ANKRD17: variants seen among roughly 807,000 people sequenced by gnomAD.
The protein encoded by ANKRD17 is ankyrin repeat domain 17.
A neutral mutation model predicts 229.7 loss-of-function variants in ANKRD17; 19 were observed. The observed-to-expected ratio is 0.08, with a 90% CI of 0.06 to 0.12. The LOEUF (loss-of-function observed/expected upper bound fraction) is 0.12. Ranked by LOEUF, ANKRD17 falls within the 10% of genes least tolerant of loss-of-function variation. The probability of loss-of-function intolerance (pLI) is 1.00; values close to 1 mark genes in which losing one functional copy is unlikely to be tolerated. For missense variants in ANKRD17, 2,176 were observed against 3,176.8 expected, an observed-to-expected ratio of 0.68 and a Z score of 7.57; for synonymous variants, 1,112 against 1,146.1, an observed-to-expected ratio of 0.97 and a Z score of 0.60.
At chr4:73,076,873 A>G in intron 33 of ANKRD17, 67 bp downstream of exon 33, 1 of 1,514,434 alleles carries the variant, frequency 6.6e-7, no homozygotes, top group South Asian at 1.3e-5. Context: ...GAGTTACCTG[A>G]ATCCTATTTG....
intron 24 of ANKRD17, among the ~76,000 whole-genome samples, chr4:73,111,506 A>C (rs922145071): frequency 6.6e-6 from 1 of 152,196 alleles, no homozygotes; most frequent in African/African-American, 2.4e-5. Flanking sequence ...TCCATTTAAT[A>C]TTTTCAGACC....
intron 16 of ANKRD17, among the ~76,000 whole-genome samples, chr4:73,126,661 C>A (rs1727509551): frequency 6.6e-6 from 1 of 152,150 alleles, no homozygotes; most frequent in African/African-American, 2.4e-5. Flanking sequence ...ATTAGATTTA[C>A]CAGTGTTCAT....
chr4:73,102,445 TTTC>T lies in ANKRD17; in HGVS notation c.4501_4503del (p.Glu1501del), dbSNP rs1350975428. 1 of 1,606,588 alleles carries T rather than the reference TTTC, an allele frequency of 6.2e-7. No individual in the cohort carries two copies. Among genetic ancestry groups the T allele is most frequent in the Admixed American group, 1.7e-5 (1 of 58,554 alleles). ...AAGTTCTCTTTATTTTTGGCTTCAA[TTTC>T]TTCTAGTTTCCTTCTTTGTTCTTCC... is the stretch of plus-strand genomic sequence containing the variant. On this transcript the variant is annotated inframe_deletion, in exon 25 of 34. Coordinates refer to ENST00000358602, the MANE Select transcript of ANKRD17 (RefSeq NM_032217.5).
intron 1 of ANKRD17, among the ~76,000 whole-genome samples, chr4:73,203,847 G>A (rs1264709298): frequency 6.6e-6 from 1 of 150,476 alleles, no homozygotes; most frequent in Non-Finnish European, 1.5e-5. Flanking sequence ...AATCCAATAC[G>A]TTCCACAGTC....
At position 73,091,330 on chromosome 4, in the gene ANKRD17, CAGA is replaced by C. The variant is rs750403172; in HGVS notation, c.6295_6297del (p.Ser2099del). 6 of 1,613,982 alleles carry C rather than the reference CAGA, an allele frequency of 3.7e-6. No individual in the cohort carries two copies. Among genetic ancestry groups the C allele is most frequent in the African/African-American group, 2.7e-5 (2 of 74,920 alleles). Reference sequence around the variant, plus strand: ...TGATTAGAATGAGCTGATGAACTCCCAGAAGAACTGCTGCTGTTTGGAGGTCTA... The same window carrying C: ...TGATTAGAATGAGCTGATGAACTCCCAGAACTGCTGCTGTTTGGAGGTCTA... On this transcript the variant is annotated inframe_deletion, in exon 29 of 34. Coordinates refer to ENST00000358602, the MANE Select transcript of ANKRD17 (RefSeq NM_032217.5).
rs777604842 is a variant in ANKRD17 at position 73,090,927 on chromosome 4, A to T, written c.6701T>A (p.Val2234Glu). ...LSTQSACQNSVHPANKPIAPN... is the reference protein window; with the variant it reads ...LSTQSACQNSEHPANKPIAPN... ...AGCAATAGGCTTATTTGCTGGATGTACTGAATTCTGACAAGCACTTTGTGT... is the reference window on the plus strand; with the variant it reads ...AGCAATAGGCTTATTTGCTGGATGTTCTGAATTCTGACAAGCACTTTGTGT... Residue 2234 changes from valine (V) to glutamate (E), a missense_variant, in exon 29 of 34, where the codon GTA becomes GAA. This residue lies in a region of ANKRD17 where 424 missense variants were observed against 454.0 expected (regional missense o/e 0.93). Coordinates refer to ENST00000358602, the MANE Select transcript of ANKRD17 (RefSeq NM_032217.5). 6.2e-7 allele frequency: 1 copy of T among 1,614,228 alleles called. No individual in the cohort carries two copies.
chr4:73,120,031 G>T, intron 21 of ANKRD17, 131 bp downstream of exon 21: 1 of 963,114 alleles, frequency 1.0e-6, no homozygotes, highest in Non-Finnish European at 1.6e-6. Context: ...GGTAGGTTTG[G>T]GGGAAAAAGC....
chr4:73,098,003 A>C, intron 26 of ANKRD17, 70 bp downstream of exon 26: 1 of 1,428,014 alleles, frequency 7.0e-7, no homozygotes, highest in East Asian at 2.3e-5. Context: ...TACTTTCTTT[A>C]CCAACAAATT....
In ANKRD17 at chr4:73,135,251, C is replaced by T. The variant is rs771330970; in HGVS notation, c.3100G>A (p.Ala1034Thr). 6.9e-5 allele frequency: 111 copies of T among 1,611,788 alleles called. 2 individuals carry two copies. The South Asian group carries it at 1.2e-3, about 17-fold the overall frequency. The change falls in exon 16 of 34, where the codon GCA (alanine) becomes ACA (threonine). Residue 1034 changes from alanine to threonine, a missense_variant. Physicochemically the swap from Ala to Thr is moderately conservative, Grantham distance 58. Around this residue, in one of 18 missense-constraint regions of ANKRD17, gnomAD observed 230 missense variants for 252.3 expected, o/e 0.91. Coordinates refer to ENST00000358602, the MANE Select transcript of ANKRD17 (RefSeq NM_032217.5). ...GTAGGAGTGTTTGACATTGCAGATG[C>T]TCTTCCACTGACTGCTGTTGAACAA... ...DDIMAAVSGR[A>T]SAMSNTPTHS... is the part of the protein sequence containing the mutation.
intron 30 of ANKRD17, among the ~76,000 whole-genome samples, chr4:73,081,043 G>C (rs1430501518): frequency 1.3e-5 from 2 of 152,188 alleles, no homozygotes; most frequent in Non-Finnish European, 2.9e-5. Context: ...TCTAGTCATA[G>C]TTTTTATCAG....
At chr4:73,227,247 G>A (rs1455028809) in intron 1 of ANKRD17, among the ~76,000 whole-genome samples, 2 of 151,958 alleles carry the variant, frequency 1.3e-5, no homozygotes, top group South Asian at 2.1e-4. Flanking sequence ...TCTGCCTCCC[G>A]GGTTCAAGTG....
At chr4:73,110,838 G>A (rs1488630919) in intron 24 of ANKRD17, among the ~76,000 whole-genome samples, 1 of 152,156 alleles carries the variant, frequency 6.6e-6, no homozygotes, top group African/African-American at 2.4e-5. Flanking sequence ...AATTTAGATA[G>A]AATTGATTAA....
chr4:73,189,673 TG>T (rs1560688994), intron 1 of ANKRD17, among the ~76,000 whole-genome samples: 1 of 152,226 alleles, frequency 6.6e-6, no homozygotes, highest in South Asian at 2.1e-4. Context: ...TCTTAGCTTA[TG>T]TTTTACTTAC....
At chr4:73,102,660 T>C (rs1724150695) in intron 24 of ANKRD17, 113 bp from the exon 25 acceptor site, 1 of 1,203,058 alleles carries the variant, frequency 8.3e-7, no homozygotes, top group African/African-American at 1.5e-5. Context: ...TTCAAAGTCA[T>C]CTAGTTCAAT....
chr4:73,192,060 A>G (rs946104961), intron 1 of ANKRD17, among the ~76,000 whole-genome samples: 5 of 152,066 alleles, frequency 3.3e-5, no homozygotes, highest in African/African-American at 4.8e-5. Context: ...CCTAAACCAC[A>G]ACTATCTGTG....
In ANKRD17 at chr4:73,155,926, C is replaced by T. The variant is rs796289688; in HGVS notation, c.852+93G>A. Reference sequence around the variant, plus strand: ...AACAAAACTATTTGTTGAAATAATCCTAATGGTTGGAAGGATTTATTTTAT... The same window carrying T: ...AACAAAACTATTTGTTGAAATAATCTTAATGGTTGGAAGGATTTATTTTAT... On this transcript the variant is annotated intron_variant, in intron 4 of 33. Coordinates refer to ENST00000358602, the MANE Select transcript of ANKRD17 (RefSeq NM_032217.5). 2.2e-5 allele frequency: 33 copies of T among 1,499,992 alleles called. 1 individual carries two copies. In the African/African-American group the frequency reaches 4.1e-4, roughly 19 times the overall value. The allele number at this position is 1,499,992 out of a possible 1,614,324, so 92.9% of individuals were successfully genotyped here.
In ANKRD17 at chr4:73,090,890, A is replaced by G; in HGVS notation, c.6738T>C (p.Ser2246=). 1 of 1,614,240 alleles carries G rather than the reference A, an allele frequency of 6.2e-7. No homozygotes were observed. Among genetic ancestry groups the G allele is most frequent in the South Asian group, 1.1e-5 (1 of 91,086 alleles). Residue 2246 remains serine, a synonymous_variant, in exon 29 of 34, where the codon AGT becomes AGC. Transcript: ENST00000358602. Reference sequence around the variant, plus strand: ...TAAAGGGCCCAAATGGTAAGGGGGCACTGAAATTGGGAGCAATAGGCTTAT... The same window carrying G: ...TAAAGGGCCCAAATGGTAAGGGGGCGCTGAAATTGGGAGCAATAGGCTTAT... ...PANKPIAPNF[S]APLPFGPFST...
At chr4:73,230,222 T>C (rs1372751571) in intron 1 of ANKRD17, among the ~76,000 whole-genome samples, 1 of 152,128 alleles carries the variant, frequency 6.6e-6, no homozygotes, top group Non-Finnish European at 1.5e-5. Flanking sequence ...AATTGTAACA[T>C]TATAAATAAA....
chr4:73,171,505 G>T (rs554895922), intron 2 of ANKRD17, among the ~76,000 whole-genome samples: 2 of 152,140 alleles, frequency 1.3e-5, no homozygotes, highest in Non-Finnish European at 2.9e-5. Flanking sequence ...TCAATGCCCA[G>T]ACACCAACAA....
Sources: gnomAD v4.1 joint callset for allele counts (sites outside exome capture counted in the v4.1 genomes callset) on GRCh38, gnomAD v4.1.1 for gene constraint, gnomAD v4.1.1 regional missense constraint, MANE v1.5 for transcripts, NCBI Gene and HGNC (gene_info 2026-07-23, HGNC 2026-07-21) for gene names.